RASGRP4: variants seen among roughly 807,000 people sequenced by gnomAD.
The protein encoded by RASGRP4 is RAS guanyl releasing protein 4.
A neutral mutation model predicts 84.4 loss-of-function variants in RASGRP4; 52 were observed. The ratio of observed to expected loss-of-function variants is 0.62; its 90% CI spans 0.49 to 0.78. RASGRP4 has a LOEUF of 0.78. RASGRP4 is among the 30% of genes least tolerant of loss of function. The probability of loss-of-function intolerance (pLI) is 0.00; values close to 1 mark genes in which losing one functional copy is unlikely to be tolerated. For synonymous variants in RASGRP4, 356 were observed against 359.1 expected (o/e 0.99, Z 0.10); for missense variants, 760 against 886.9 (o/e 0.86, Z 1.82).
chr19:38,421,221 C>A, intron 2 of RASGRP4, 21 bp from the exon 3 acceptor site: 1 of 1,550,866 alleles, frequency 6.4e-7, no homozygotes, highest in South Asian at 1.1e-5. Flanking sequence ...AGGAGGGGTA[C>A]TCTGTGACAG....
In RASGRP4 at chr19:38,413,541, CGCAG is replaced by C. The variant is rs1971370913; in HGVS notation, c.1231-71_1231-68del. 8.2e-6 allele frequency: 11 copies of C among 1,337,910 alleles called. No individual in the cohort carries two copies. In the Admixed American group the frequency reaches 2.0e-4, roughly 24 times the overall value. 82.9% of individuals were successfully genotyped at this position (1,337,910 alleles called of 1,614,324 possible). The stretch of plus-strand genomic sequence containing the variant: ...CCTGCCCCAGACCCCCACACCCACT[CGCAG>C]GCTCTTCCCAAAGCCCCTCCTGGGT... On this transcript the variant is annotated intron_variant, in intron 9 of 16. Transcript: ENST00000615439. This position sits in a 1 kb window ranked among gnomAD's most constrained non-coding sequence, Gnocchi z 4.7.
At chr19:38,419,159 G>T (rs1019474033) in intron 6 of RASGRP4, among the ~76,000 whole-genome samples, 1 of 152,156 alleles carries the variant, frequency 6.6e-6, no homozygotes, top group Non-Finnish European at 1.5e-5. Flanking sequence ...ATGATGTCCA[G>T]ATGGCAAAAG....
At position 38,422,088 on chromosome 19, in the gene RASGRP4, T is replaced by C; in HGVS notation, c.89A>G (p.His30Arg). 1.2e-6 allele frequency: 2 copies of C among 1,613,666 alleles called. No individual in the cohort carries two copies. Among genetic ancestry groups the C allele is most frequent in the Non-Finnish European group, 1.7e-6 (2 of 1,179,796 alleles). Residue 30 changes from histidine to arginine, a missense_variant, in exon 2 of 17, where the codon CAC (histidine) becomes CGC (arginine). Physicochemically the swap from His to Arg is conservative, Grantham distance 29. Coordinates refer to ENST00000615439, the MANE Select transcript of RASGRP4 (RefSeq NM_170604.3). ...TTCCCGAGGGCTGGGGCATGTCTTG[T>C]GGCGGCGCACTTGGCGGGGCCGGCC... The part of the protein sequence containing the change: ...GRGRPRQVRR[H>R]KTCPSPREIS...
In RASGRP4 at chr19:38,426,143, C is replaced by T; in HGVS notation, c.-52G>A. On this transcript the variant is annotated 5_prime_UTR_variant, in exon 1 of 17. Coordinates refer to ENST00000615439, the MANE Select transcript of RASGRP4 (RefSeq NM_170604.3). The stretch of plus-strand genomic sequence containing the variant: ...GGGGTCTTGCAAGAGTAGGGCTCAG[C>T]TCCTCCCCTTGCCCAGGACTCCAGC... 1 of 1,281,826 alleles carries T rather than the reference C, an allele frequency of 7.8e-7. No individual in the cohort carries two copies. The highest frequency in any genetic ancestry group is 1.0e-6 in the Non-Finnish European group (1 of 1,002,622). 79.4% of individuals were successfully genotyped at this position (1,281,826 alleles called of 1,614,324 possible).
rs753468854 is a variant in RASGRP4 at position 38,413,186 on chromosome 19, T to C, written c.1416+7A>G. The C allele has an allele frequency of 6.2e-7, 1 of 1,611,868 alleles. No homozygotes were observed. Among genetic ancestry groups the C allele is most frequent in the Non-Finnish European group, 8.5e-7 (1 of 1,178,898 alleles). ...TGCTGGCGGCCGGGCCACCCTCCCC[T>C]CCTTACCTCCACCAGCTGCTCCACA... On this transcript the variant is annotated splice_region_variant and intron_variant, in intron 11 of 16. Transcript: ENST00000615439. The surrounding 1 kb of genome is among the most constrained non-coding windows in gnomAD (Gnocchi z 4.7).
At position 38,414,859 on chromosome 19, in the gene RASGRP4, GC is replaced by G. The variant is rs1971429277; in HGVS notation, c.1218del (p.His407ThrfsTer48). 1 of 1,594,460 alleles carries G rather than the reference GC, an allele frequency of 6.3e-7. No homozygotes were observed. The highest frequency in any genetic ancestry group is 1.8e-5 in the Admixed American group (1 of 56,596). On this transcript the variant is annotated frameshift_variant, in exon 9 of 17. Transcript: ENST00000615439. LOFTEE classifies it high-confidence loss of function. ...HPPCSANEDL[L>X]HLLTLSLDLF... is the part of the protein sequence containing the mutation. The stretch of plus-strand genomic sequence containing the variant: ...CCAGGGGGGCTCACCGTGAGCAGGT[GC>G]AGCAGATCCTCATTGGCGCTGCAGG...
intron 2 of RASGRP4, 110 bp from the exon 3 acceptor site, chr19:38,421,310 C>G: frequency 2.6e-6 from 2 of 772,896 alleles, no homozygotes; most frequent in Non-Finnish European, 4.4e-6. Context: ...TAACGGTGAT[C>G]CCCAGCATGA....
At chr19:38,416,688 A>T (rs113531467) in intron 8 of RASGRP4, among the ~76,000 whole-genome samples, 3,090 of 152,172 alleles carry the variant, frequency 0.02, 111 homozygotes, top group African/African-American at 0.071. Flanking sequence ...AGCTTAGCCC[A>T]TCTTACAAGG....
intron 8 of RASGRP4, among the ~76,000 whole-genome samples, chr19:38,415,630 C>T (rs1203697978): frequency 6.6e-6 from 1 of 151,880 alleles, no homozygotes; most frequent in African/African-American, 2.4e-5. Flanking sequence ...GCCTCGGCCT[C>T]CCAAAGTGTT....
Position 38,426,082 on chromosome 19 carries a change from T to C in RASGRP4, c.10A>G (p.Lys4Glu), listed in dbSNP as rs777738099. 1 of 1,347,892 alleles carries C rather than the reference T, an allele frequency of 7.4e-7. No homozygotes were observed. Among genetic ancestry groups the C allele is most frequent in the Non-Finnish European group, 9.6e-7 (1 of 1,040,506 alleles). The allele number at this position is 1,347,892 out of a possible 1,614,324, so 83.5% of individuals were successfully genotyped here. A position where few individuals can be genotyped will look rare whatever the true frequency, so the allele number is the denominator to read the frequency against. MNR[K>E]DSKRKSHQEC... ...GGGTCCTCTCACCTCTTACTGTCTT[T>C]TCTGTTCATGCTTCCCGCGTGGGGT... Residue 4 changes from lysine (K) to glutamate (E), a missense_variant, in exon 1 of 17, where the codon AAA (lysine) becomes GAA (glutamate). Coordinates refer to ENST00000615439, the MANE Select transcript of RASGRP4 (RefSeq NM_170604.3).
chr19:38,425,100 G>A (rs983168687), intron 1 of RASGRP4, among the ~76,000 whole-genome samples: 30 of 151,328 alleles, frequency 2.0e-4, no homozygotes, highest in Admixed American at 1.6e-3. Flanking sequence ...CAGGATGATC[G>A]CTTGAACCCG....
Position 38,412,793 on chromosome 19 carries a change from T to A in RASGRP4, c.1559A>T (p.Glu520Val), listed in dbSNP as rs892882499. The A allele has an allele frequency of 6.2e-7, 1 of 1,606,914 alleles. No homozygotes were observed. The highest frequency in any genetic ancestry group is 8.5e-7 in the Non-Finnish European group (1 of 1,176,700). ...GGCCCGGAGCAGGTACCCTGTCAGC[T>A]CCTCTCTGCTGAAGGATCCTCTCCT... ...RQGRGSFSRE[E>V]LTGYLLRASA... Residue 520 changes from glutamate to valine, a missense_variant, in exon 13 of 17, where the codon GAG (glutamate) becomes GTG (valine). Glu to Val is a moderately radical substitution (Grantham distance 121). Transcript: ENST00000615439. This position sits in a 1 kb window ranked among gnomAD's most constrained non-coding sequence, Gnocchi z 4.6.
chr19:38,420,997 C>T, intron 3 of RASGRP4, 27 bp from the exon 4 acceptor site: 1 of 1,613,346 alleles, frequency 6.2e-7, no homozygotes, highest in Non-Finnish European at 8.5e-7. Context: ...GCTCTGTTTT[C>T]CAGGATCCAT....
rs761862766 is a variant in RASGRP4, at chr19:38,410,028, A to T, written c.*12T>A. 3 of 1,607,474 alleles carry T rather than the reference A, an allele frequency of 1.9e-6. No individual in the cohort carries two copies. The highest frequency in any genetic ancestry group is 2.2e-5 in the South Asian group (2 of 90,418). On this transcript the variant is annotated 3_prime_UTR_variant, in exon 17 of 17. Transcript: ENST00000615439. ...GGGAAGGGAGTGAGGAAGAGAGGAG[A>T]CCAAGAGATGTCTAGGAATCCAGCT...
chr19:38,419,729 T>G, intron 6 of RASGRP4, 131 bp downstream of exon 6: 1 of 943,962 alleles, frequency 1.1e-6, no homozygotes, highest in Non-Finnish European at 1.6e-6. Flanking sequence ...CATACAGGTT[T>G]GAGTTTAAGA....
At chr19:38,420,361 G>C in intron 4 of RASGRP4, 99 bp from the exon 5 acceptor site, 1 of 1,381,368 alleles carries the variant, frequency 7.2e-7, no homozygotes, top group East Asian at 2.4e-5. Flanking sequence ...TGAGCTAGGG[G>C]GTCTCTAAAT....
At position 38,419,922 on chromosome 19, in the gene RASGRP4, C is replaced by T; in HGVS notation, c.601G>A (p.Glu201Lys). 3.1e-6 allele frequency: 5 copies of T among 1,613,074 alleles called. No homozygotes were observed. Among genetic ancestry groups the T allele is most frequent in the Non-Finnish European group, 3.4e-6 (4 of 1,179,534 alleles). Residue 201 changes from glutamate (E) to lysine (K), a missense_variant, in exon 6 of 17, where the codon GAG (glutamate) becomes AAG (lysine). Physicochemically the swap from Glu to Lys is moderately conservative, Grantham distance 56. Transcript: ENST00000615439. ...AGGTGCTGAGCCAGCTCCCCCGTCT[C>T]CAAGTGGTCGAAAAGCAAGGACACT... ...RKVSLLFDHL[E>K]TGELAQHLTY...
chr19:38,422,106 GGCCGGCCTC>G lies in RASGRP4; in HGVS notation c.62_70del (p.Arg21_Arg23del), dbSNP rs1180394336. 7 of 1,613,014 alleles carry G rather than the reference GGCCGGCCTC, an allele frequency of 4.3e-6. No homozygotes were observed. Among genetic ancestry groups the G allele is most frequent in the Admixed American group, 1.7e-5 (1 of 59,986 alleles). On this transcript the variant is annotated inframe_deletion, in exon 2 of 17. Coordinates refer to ENST00000615439, the MANE Select transcript of RASGRP4 (RefSeq NM_170604.3). The stretch of plus-strand genomic sequence containing the variant: ...TGTCTTGTGGCGGCGCACTTGGCGG[GGCCGGCCTC>G]GCCCTCCTATTTTTCCGGTGCATTC...
Position 38,415,118 on chromosome 19 carries a change from G to T in RASGRP4, c.960C>A (p.Leu320=). 2 of 1,592,010 alleles carry T rather than the reference G, an allele frequency of 1.3e-6. No individual in the cohort carries two copies. The highest frequency in any genetic ancestry group is 1.7e-6 in the Non-Finnish European group (2 of 1,168,260). ...AGGCAAGGAGCTCAGTGAGCTCCAGGAGGGCCTGGGGAGGAGGGACATGGG... is the reference window on the plus strand; with the variant it reads ...AGGCAAGGAGCTCAGTGAGCTCCAGTAGGGCCTGGGGAGGAGGGACATGGG... ...AHLSPDSTKA[L]LELTELLASH... is the part of the protein sequence containing the mutation. Residue 320 remains leucine (L), a synonymous_variant, in exon 9 of 17, where the codon CTC becomes CTA. Transcript: ENST00000615439.
Sources: allele counts gnomAD v4.1 joint callset (sites outside exome capture counted in the v4.1 genomes callset), GRCh38; gene constraint gnomAD v4.1.1; non-coding constraint Gnocchi (gnomAD v3.1); transcripts MANE v1.5; gene names NCBI Gene and HGNC (gene_info 2026-07-23, HGNC 2026-07-21).